Variants in HOXB3 observed in about 807,000 individuals in gnomAD.
HOXB3 encodes homeobox B3.
A neutral mutation model predicts 29.2 loss-of-function variants in HOXB3; 17 were observed. The observed-to-expected ratio is 0.58, with a 90% CI of 0.40 to 0.87. HOXB3 has a LOEUF of 0.87. Among genes scored for constraint, HOXB3 ranks in the 40% least tolerant of loss-of-function variants. HOXB3 has a pLI of 0.00. For synonymous variants in HOXB3, 317 were observed against 285.9 expected (o/e 1.11, Z -1.10); for missense variants, 637 against 616.3 (o/e 1.03, Z -0.35).
At chr17:48,557,037 G>A (rs757158696) in intron 2 of HOXB3, 9 of 152,356 alleles carry the variant, frequency 5.9e-5, no homozygotes, top group Non-Finnish European at 1.2e-4. Context: ...AGGCCTGTAG[G>A]AGGAAGACAG....
chr17:48,565,141 A>G (rs1172077943), intron 2 of HOXB3, among the ~76,000 whole-genome samples: 1 of 152,196 alleles, frequency 6.6e-6, no homozygotes, highest in African/African-American at 2.4e-5. Flanking sequence ...AAGCCAAGAA[A>G]GGATTCCAGG....
At position 48,551,121 on chromosome 17, in the gene HOXB3, C is replaced by A; in HGVS notation, c.509G>T (p.Gly170Val). The change falls in exon 5 of 5, where the codon GGC becomes GTC. Residue 170 changes from glycine (G) to valine (V), a missense_variant. Physicochemically the swap from Gly to Val is moderately radical, Grantham distance 109. Transcript: ENST00000498678. ...GGGGGSGGSG[G>V]GGGGGGGGDK... ...CCCTCCCCCGCCGCCGCCGCCACCG[C>A]CCCCGCTGCCACCACTGCCTCCGCC... is the stretch of plus-strand genomic sequence containing the variant. 4 of 1,349,756 alleles carry A rather than the reference C, an allele frequency of 3.0e-6. No homozygotes were observed. The highest frequency in any genetic ancestry group is 3.8e-6 in the Non-Finnish European group (4 of 1,050,828). The allele number at this position is 1,349,756 out of a possible 1,614,324, so 83.6% of individuals were successfully genotyped here.
At chr17:48,589,482 T>C (rs1354374554) in intron 1 of HOXB3, among the ~76,000 whole-genome samples, 2 of 151,996 alleles carry the variant, frequency 1.3e-5, no homozygotes, top group Non-Finnish European at 2.9e-5. Context: ...AAAGATTAGC[T>C]TGAGACCAAC....
At chr17:48,551,491 G>T (rs1258450675) in intron 4 of HOXB3, among the ~76,000 whole-genome samples, 2 of 152,172 alleles carry the variant, frequency 1.3e-5, no homozygotes, top group African/African-American at 4.8e-5. Context: ...ATTTTCGCGT[G>T]CGTGCTTTCT....
intron 1 of HOXB3, chr17:48,577,849 GC>G (rs1555641143): frequency 7.1e-7 from 1 of 1,400,136 alleles, no homozygotes; most frequent in Non-Finnish European, 9.3e-7. Context: ...GGGAAGGGGT[GC>G]CCACGCACTC....
rs371047916 is a variant in HOXB3 at position 48,551,081 on chromosome 17, C to T, written c.549G>A (p.Pro183=). The T allele has an allele frequency of 4.6e-6, 7 of 1,512,284 alleles. No individual in the cohort carries two copies. The highest frequency in any genetic ancestry group is 2.0e-5 in the Admixed American group (1 of 50,752). 93.7% of individuals were successfully genotyped at this position (1,512,284 alleles called of 1,614,324 possible). ...GCGCCCGCTTGGACGCCGCCGACCC[C>T]GGGGGGCTCTTGTCCCCTCCCCCGC... ...GGGGGGDKSP[P]GSAASKRART... Residue 183 remains proline (P), a synonymous_variant, in exon 5 of 5, where the codon CCG becomes CCA. Transcript: ENST00000498678.
intron 2 of HOXB3, among the ~76,000 whole-genome samples, chr17:48,562,482 G>GCTGGCCC (rs1367637526): frequency 1.3e-5 from 2 of 152,126 alleles, no homozygotes; most frequent in Non-Finnish European, 2.9e-5. Flanking sequence ...TACCCCCAAA[G>GCTGGCCC]CTGTGCTGGG....
At chr17:48,576,605 G>A in intron 1 of HOXB3, 1 of 825,118 alleles carries the variant, frequency 1.2e-6, no homozygotes, top group Non-Finnish European at 1.8e-6. Flanking sequence ...TGTGGGGGAG[G>A]GCAGATAGAT....
At chr17:48,576,947 C>G (rs2069783991) in intron 1 of HOXB3, 1 of 1,614,074 alleles carries the variant, frequency 6.2e-7, no homozygotes, top group Non-Finnish European at 8.5e-7. Flanking sequence ...ATTCCTTCTC[C>G]AGCTCCAAGA....
chr17:48,550,563 C>A lies in HOXB3; in HGVS notation c.1067G>T (p.Gly356Val). 6.6e-7 allele frequency: 1 copy of A among 1,522,988 alleles called. No individual in the cohort carries two copies. Among genetic ancestry groups the A allele is most frequent in the Non-Finnish European group, 8.7e-7 (1 of 1,147,176 alleles). The allele number at this position is 1,522,988 out of a possible 1,614,324, so 94.3% of individuals were successfully genotyped here. Reference protein sequence around the residue: ...MQGSPVYVGGGGYADPLPPPA... With the variant: ...MQGSPVYVGGVGYADPLPPPA... Reference sequence around the variant, plus strand: ...GGGCGGCAGCGGATCCGCGTAGCCGCCCCCGCCCACGTACACCGGACTGCC... The same window carrying A: ...GGGCGGCAGCGGATCCGCGTAGCCGACCCCGCCCACGTACACCGGACTGCC... The change falls in exon 5 of 5, where the codon GGC becomes GTC. Residue 356 changes from glycine to valine, a missense_variant. Physicochemically the swap from Gly to Val is moderately radical, Grantham distance 109. Transcript: ENST00000498678.
At chr17:48,580,071 A>G (rs2069895054) in intron 1 of HOXB3, 1 of 393,986 alleles carries the variant, frequency 2.5e-6, no homozygotes, top group South Asian at 2.0e-5. Flanking sequence ...AGAAAAAGGC[A>G]GTGCGAGTCT....
chr17:48,576,652 C>G, intron 1 of HOXB3: 1 of 576,250 alleles, frequency 1.7e-6, no homozygotes. Context: ...CCCTCCTGTC[C>G]CCCCACCCCA....
In HOXB3 at chr17:48,550,669, A is replaced by T; in HGVS notation, c.961T>A (p.Tyr321Asn). Residue 321 changes from tyrosine to asparagine, a missense_variant, in exon 5 of 5, where the codon TAC becomes AAC. Coordinates refer to ENST00000498678, the MANE Select transcript of HOXB3 (RefSeq NM_001384749.1). ...TACTCGGGCGCCGGGGTCGGAGGGT[A>T]CTTCTGCGGGGCGCCGCAGCCTTTG... ...PLKGCGAPQK[Y>N]PPTPAPEYEP... 1 of 1,528,042 alleles carries T rather than the reference A, an allele frequency of 6.5e-7. No individual in the cohort carries two copies. The highest frequency in any genetic ancestry group is 8.8e-7 in the Non-Finnish European group (1 of 1,139,958). 94.7% of individuals were successfully genotyped at this position (1,528,042 alleles called of 1,614,324 possible).
intron 1 of HOXB3, among the ~76,000 whole-genome samples, chr17:48,586,503 A>T (rs2070050163): frequency 6.6e-6 from 1 of 152,112 alleles, no homozygotes; most frequent in African/African-American, 2.4e-5. Flanking sequence ...TCGGAGCCCC[A>T]CGTAGGCCGG....
intron 2 of HOXB3, among the ~76,000 whole-genome samples, chr17:48,569,065 CCT>C (rs1491110493): frequency 2.7e-5 from 4 of 150,710 alleles, no homozygotes; most frequent in African/African-American, 9.8e-5. Context: ...CTCTCTCCCC[CCT>C]CTCTTTTTTT....
At chr17:48,576,164 T>C (rs1258681879) in intron 1 of HOXB3, 1 of 152,940 alleles carries the variant, frequency 6.5e-6, no homozygotes, top group African/African-American at 2.4e-5. Flanking sequence ...CAGAGGGTGC[T>C]TTCGCTGGGT....
chr17:48,564,179 G>A (rs1406611606), intron 2 of HOXB3, among the ~76,000 whole-genome samples: 1 of 151,942 alleles, frequency 6.6e-6, no homozygotes, highest in Non-Finnish European at 1.5e-5. Context: ...CCCCCGCCAG[G>A]CCCCGAGCGC....
At chr17:48,558,086 T>TC (rs1567951672) in intron 2 of HOXB3, among the ~76,000 whole-genome samples, 1 of 152,146 alleles carries the variant, frequency 6.6e-6, no homozygotes, top group Non-Finnish European at 1.5e-5. Flanking sequence ...ACCTCTGCTG[T>TC]CCTAGCTGTT....
intron 1 of HOXB3, chr17:48,576,711 G>A (rs756242347): frequency 5.3e-6 from 7 of 1,311,256 alleles, no homozygotes; most frequent in South Asian, 2.4e-5. Context: ...TGGCTCCCGC[G>A]TGCGGGGGCA....
Sources: allele counts gnomAD v4.1 joint callset (sites outside exome capture counted in the v4.1 genomes callset), GRCh38; gene constraint gnomAD v4.1.1; transcripts MANE v1.5; gene names NCBI Gene and HGNC (gene_info 2026-07-23, HGNC 2026-07-21).